Variants in PIP4K2A observed in about 807,000 individuals in gnomAD.
PIP4K2A encodes phosphatidylinositol-5-phosphate 4-kinase type 2 alpha.
Under a neutral mutation model 42.9 loss-of-function variants are expected in PIP4K2A, and 14 were observed. The ratio of observed to expected loss-of-function variants is 0.33; its 90% CI spans 0.22 to 0.51. The LOEUF is 0.51. Among genes scored for constraint, PIP4K2A ranks in the 20% least tolerant of loss-of-function variants. The pLI is 0.97. For synonymous variants in PIP4K2A, 192 were observed against 192.2 expected (o/e 1.00, Z 0.01); for missense variants, 434 against 519.8 (o/e 0.83, Z 1.61).
chr10:22,655,725 C>G (rs1839087148), intron 1 of PIP4K2A, among the ~76,000 whole-genome samples: 1 of 152,164 alleles, frequency 6.6e-6, no homozygotes, highest in South Asian at 2.1e-4. Flanking sequence ...GACTGGATGG[C>G]TAGAAAACAT....
intron 1 of PIP4K2A, among the ~76,000 whole-genome samples, chr10:22,664,100 T>C (rs1459283381): frequency 4.9e-5 from 4 of 81,104 alleles, no homozygotes; most frequent in African/African-American, 1.1e-4. Context: ...CATATATATA[T>C]ATACATATAT....
rs1052595680 is a variant in PIP4K2A, at chr10:22,535,956, C to G, written c.*1245G>C. ...CCATGTACTTTGACTAAAACACTCA[C>G]GTAAAAACATGGCTGCAGGATACGT... On this transcript the variant is annotated 3_prime_UTR_variant, in exon 10 of 10. Coordinates refer to ENST00000376573, the MANE Select transcript of PIP4K2A (RefSeq NM_005028.5). The G allele has an allele frequency of 5.1e-6, 2 of 394,338 alleles. No homozygotes were observed. The highest frequency in any genetic ancestry group is 4.4e-5 in the Admixed American group (1 of 22,616). 24.4% of individuals were successfully genotyped at this position (394,338 alleles called of 1,614,324 possible).
At chr10:22,537,388 C>T (rs750251233) in intron 9 of PIP4K2A, 107 bp from the exon 10 acceptor site, 1 of 831,202 alleles carries the variant, frequency 1.2e-6, no homozygotes, top group Non-Finnish European at 1.9e-6. Flanking sequence ...ATACAGCAAG[C>T]AATTTTCAAA....
At chr10:22,685,716 G>GA (rs1408451855) in intron 1 of PIP4K2A, among the ~76,000 whole-genome samples, 2 of 151,814 alleles carry the variant, frequency 1.3e-5, no homozygotes, top group Non-Finnish European at 2.9e-5. Context: ...TACTGTCTCA[G>GA]AAAAAAAGAG....
At position 22,541,986 on chromosome 10, in the gene PIP4K2A, C is replaced by A; in HGVS notation, c.854G>T (p.Arg285Ile). Residue 285 changes from arginine (R) to isoleucine (I), a missense_variant, in exon 8 of 10, where the codon AGA becomes ATA. Around this residue, in one of 2 missense-constraint regions of PIP4K2A, gnomAD observed 395 missense variants for 444.5 expected, o/e 0.89. Transcript: ENST00000376573. ...SLLVGIHDVE[R>I]AEQEEVECEE... The stretch of plus-strand genomic sequence containing the variant: ...ACACTCCACTTCCTCCTGTTCGGCT[C>A]TCTCCACATCATGAATTCCCACCAG... 6.2e-7 allele frequency: 1 copy of A among 1,614,044 alleles called. No homozygotes were observed. Among genetic ancestry groups the A allele is most frequent in the Non-Finnish European group, 8.5e-7 (1 of 1,179,976 alleles).
intron 1 of PIP4K2A, among the ~76,000 whole-genome samples, chr10:22,620,801 G>A (rs1282728448): frequency 6.6e-6 from 1 of 152,230 alleles, no homozygotes; most frequent in Non-Finnish European, 1.5e-5. Flanking sequence ...CAGGGCTCTG[G>A]TGCCTGCACT....
At chr10:22,602,762 G>C (rs1278900712) in intron 3 of PIP4K2A, among the ~76,000 whole-genome samples, 2 of 152,066 alleles carry the variant, frequency 1.3e-5, no homozygotes, top group African/African-American at 4.8e-5. Context: ...TGTTGCCCAG[G>C]CTGGTCTCGA....
intron 1 of PIP4K2A, among the ~76,000 whole-genome samples, chr10:22,707,444 T>C (rs1033021813): frequency 2.0e-5 from 3 of 152,244 alleles, no homozygotes; most frequent in African/African-American, 7.2e-5. Flanking sequence ...AAATAAATTA[T>C]GTACTGGTTC....
intron 1 of PIP4K2A, among the ~76,000 whole-genome samples, chr10:22,645,048 T>C (rs1051119575): frequency 1.3e-5 from 2 of 152,240 alleles, no homozygotes; most frequent in African/African-American, 2.4e-5. Context: ...CAAAGAAATA[T>C]TAAACTATCA....
intron 1 of PIP4K2A, among the ~76,000 whole-genome samples, chr10:22,700,613 C>G (rs1031347075): frequency 1.3e-5 from 2 of 152,206 alleles, no homozygotes; most frequent in African/African-American, 4.8e-5. Context: ...GCTAATGCAG[C>G]CCCTTGCTAT....
At position 22,559,926 on chromosome 10, in the gene PIP4K2A, C is replaced by T. The variant is rs187022524; in HGVS notation, c.678+7925G>A. On this transcript the variant is annotated intron_variant, in intron 6 of 9. Coordinates refer to ENST00000376573, the MANE Select transcript of PIP4K2A (RefSeq NM_005028.5). The stretch of plus-strand genomic sequence containing the variant: ...TTAATGCAGCCCTGTGCCCCCAGGG[C>T]TGGGACTCAGATCCCCTAACCCTCT... Among the ~76,000 whole-genome samples, 5 of 152,298 alleles carry T rather than the reference C, an allele frequency of 3.3e-5. No individual in the cohort carries two copies. The East Asian group carries it at 9.6e-4, about 29-fold the overall frequency.
At chr10:22,564,254 T>C (rs1375008503) in intron 6 of PIP4K2A, among the ~76,000 whole-genome samples, 2 of 152,214 alleles carry the variant, frequency 1.3e-5, no homozygotes, top group African/African-American at 4.8e-5. Context: ...TGTGCCCTTG[T>C]TTTATGATTT....
At chr10:22,638,995 T>A (rs1182171806) in intron 1 of PIP4K2A, among the ~76,000 whole-genome samples, 4 of 152,174 alleles carry the variant, frequency 2.6e-5, no homozygotes, top group Admixed American at 2.6e-4. Flanking sequence ...TTGGAAGGTA[T>A]ATTCTCAAGG....
intron 1 of PIP4K2A, among the ~76,000 whole-genome samples, chr10:22,621,440 T>A (rs1199747788): frequency 6.6e-6 from 1 of 152,234 alleles, no homozygotes; most frequent in Non-Finnish European, 1.5e-5. Flanking sequence ...ATTTAATACT[T>A]CCCTGGTATC....
intron 3 of PIP4K2A, among the ~76,000 whole-genome samples, chr10:22,594,088 G>A (rs1367255086): frequency 6.6e-6 from 1 of 152,166 alleles, no homozygotes; most frequent in African/African-American, 2.4e-5. Context: ...CAGGTCAGGG[G>A]TGGGGCATTT....
chr10:22,652,955 G>T (rs1180479598), intron 1 of PIP4K2A, among the ~76,000 whole-genome samples: 1 of 152,142 alleles, frequency 6.6e-6, no homozygotes, highest in Admixed American at 6.5e-5. Context: ...TAAGCTGAGA[G>T]TGGTGGTACA....
At chr10:22,588,394 A>G (rs1240630481) in intron 4 of PIP4K2A, among the ~76,000 whole-genome samples, 1 of 151,980 alleles carries the variant, frequency 6.6e-6, no homozygotes, top group Non-Finnish European at 1.5e-5. Context: ...AACTCCTTAG[A>G]GTCAACCCTG....
At chr10:22,709,215 ACTTTTAGGCAT>A (rs1424299389) in intron 1 of PIP4K2A, among the ~76,000 whole-genome samples, 1 of 151,898 alleles carries the variant, frequency 6.6e-6, no homozygotes, top group Non-Finnish European at 1.5e-5. Flanking sequence ...GAACTTTATT[ACTTTTAGGCAT>A]CATTTACTGA....
At chr10:22,696,607 G>T (rs535085674) in intron 1 of PIP4K2A, among the ~76,000 whole-genome samples, 2 of 152,072 alleles carry the variant, frequency 1.3e-5, no homozygotes, top group South Asian at 4.2e-4. Flanking sequence ...TTAAAATAGG[G>T]CATAAAAATT....
Sources: allele counts gnomAD v4.1 joint callset (sites outside exome capture counted in the v4.1 genomes callset), GRCh38; gene constraint gnomAD v4.1.1; regional missense constraint gnomAD v4.1.1; transcripts MANE v1.5; gene names NCBI Gene and HGNC (gene_info 2026-07-23, HGNC 2026-07-21).